SAE1: variants seen among roughly 807,000 people sequenced by gnomAD.
SAE1 encodes SUMO1 activating enzyme subunit 1, also known as SUMO-activating enzyme subunit 1.
Under a neutral mutation model 40.6 loss-of-function variants are expected in SAE1, and 11 were observed. The observed-to-expected ratio is 0.27, with a 90% CI of 0.17 to 0.45. SAE1 has a LOEUF of 0.45. SAE1 is among the 20% of genes least tolerant of loss of function. The pLI is 1.00. For synonymous variants in SAE1, 155 were observed against 154.3 expected (o/e 1.00, Z -0.03); for missense variants, 373 against 427.3 (o/e 0.87, Z 1.12).
At chr19:47,166,895 G>T (rs1325510302) in intron 5 of SAE1, among the ~76,000 whole-genome samples, 2 of 152,036 alleles carry the variant, frequency 1.3e-5, no homozygotes, top group African/African-American at 2.4e-5. Context: ...TTTAACAATG[G>T]ATTTAACTCC....
intron 1 of SAE1, among the ~76,000 whole-genome samples, chr19:47,136,255 A>G (rs1387175303): frequency 2.8e-5 from 4 of 144,920 alleles, no homozygotes; most frequent in Non-Finnish European, 6.1e-5. Context: ...TCTCCTGCCT[A>G]AGCCTCCCAA....
At chr19:47,193,227 T>A (rs2058590892) in intron 6 of SAE1, among the ~76,000 whole-genome samples, 1 of 151,270 alleles carries the variant, frequency 6.6e-6, no homozygotes, top group South Asian at 2.1e-4. Context: ...ACGGCTAATT[T>A]TTTTGGTATT....
chr19:47,146,229 C>T (rs2058254883), intron 2 of SAE1, among the ~76,000 whole-genome samples: 1 of 152,008 alleles, frequency 6.6e-6, no homozygotes, highest in Non-Finnish European at 1.5e-5. Flanking sequence ...CTAGGAAGCC[C>T]CACTGTAAGC....
At chr19:47,143,709 G>A (rs1331693470) in intron 2 of SAE1, 104 bp downstream of exon 2, 4 of 816,700 alleles carry the variant, frequency 4.9e-6, no homozygotes, top group Admixed American at 2.0e-5. Flanking sequence ...GGCTGTGAAA[G>A]GAGGGCTAAC....
At chr19:47,195,934 A>G (rs1009027287) in intron 6 of SAE1, among the ~76,000 whole-genome samples, 6 of 146,726 alleles carry the variant, frequency 4.1e-5, no homozygotes, top group Non-Finnish European at 7.5e-5. Context: ...AGGTCTCACT[A>G]TGTTGCCCAG....
At chr19:47,182,496 T>TGCGCGCGCGC (rs1555794398) in intron 6 of SAE1, among the ~76,000 whole-genome samples, 2 of 145,938 alleles carry the variant, frequency 1.4e-5, no homozygotes, top group South Asian at 2.2e-4. Context: ...TGTGTGTGTG[T>TGCGCGCGCGC]GCGCGCACGC....
chr19:47,180,178 G>T (rs1024362963), intron 6 of SAE1: 2 of 456,088 alleles, frequency 4.4e-6, no homozygotes, highest in Non-Finnish European at 8.8e-6. Flanking sequence ...GAGGGTTTAT[G>T]CCCAGAGACA....
intron 5 of SAE1, among the ~76,000 whole-genome samples, chr19:47,157,751 A>G (rs2058332780): frequency 1.3e-5 from 2 of 152,188 alleles, no homozygotes; most frequent in African/African-American, 4.8e-5. Flanking sequence ...CCCAGCTGAC[A>G]TTGTTAGTCA....
rs375765649 is a variant in SAE1 at position 47,153,780 on chromosome 19, A to ATAT, written c.527+757_527+759dup. Among the ~76,000 whole-genome samples the ATAT allele has an allele frequency of 1.0e-3, 159 of 151,936 alleles. 1 individual carries two copies. The highest frequency in any genetic ancestry group is 7.6e-3 in the Admixed American group (115 of 15,206). ...TTTAGGATAATCTAGTTCTTTGGGC[A>ATAT]TATTATTATTATTATTATTTTATTT... On this transcript the variant is annotated intron_variant, in intron 4 of 8. Transcript: ENST00000270225.
chr19:47,136,403 G>GTTGCAATT (rs1385201184), intron 1 of SAE1, among the ~76,000 whole-genome samples: 1 of 151,576 alleles, frequency 6.6e-6, no homozygotes, highest in Admixed American at 6.6e-5. Context: ...CCCCCAAAGT[G>GTTGCAATT]TTGCAATTAC....
intron 1 of SAE1, among the ~76,000 whole-genome samples, chr19:47,134,939 GGTT>G (rs2058169043): frequency 1.3e-5 from 2 of 151,934 alleles, no homozygotes; most frequent in Non-Finnish European, 2.9e-5. Flanking sequence ...GGAGGGAAGA[GGTT>G]GTTTGTAATT....
intron 5 of SAE1, among the ~76,000 whole-genome samples, chr19:47,166,453 T>C (rs914790065): frequency 6.6e-6 from 1 of 152,310 alleles, no homozygotes; most frequent in East Asian, 1.9e-4. Context: ...TAACTAAATA[T>C]GTAGACATCA....
chr19:47,200,087 C>A (rs928928764), intron 7 of SAE1, among the ~76,000 whole-genome samples: 1 of 152,018 alleles, frequency 6.6e-6, no homozygotes, highest in Non-Finnish European at 1.5e-5. Flanking sequence ...CCCGCCACCA[C>A]GCCCAGCTAA....
At chr19:47,196,333 C>CTT (rs61498882) in intron 6 of SAE1, among the ~76,000 whole-genome samples, 56 of 27,872 alleles carry the variant, frequency 2.0e-3, no homozygotes, top group African/African-American at 3.3e-3. Flanking sequence ...CCGCGCCTGG[C>CTT]TTTTTTTTTT....
intron 2 of SAE1, among the ~76,000 whole-genome samples, chr19:47,146,595 G>A (rs1192101359): frequency 6.6e-6 from 1 of 152,130 alleles, no homozygotes; most frequent in Non-Finnish European, 1.5e-5. Context: ...TTATCTCATT[G>A]AGTCCTCACA....
chr19:47,159,585 T>A lies in SAE1; in HGVS notation c.627+4372T>A, dbSNP rs2058345876. On this transcript the variant is annotated intron_variant, in intron 5 of 8. Transcript: ENST00000270225. ...TTTTTTCTTTGAAGCAGGGTCTGAC[T>A]ACTCTGTCACCTAGGCTGAAGTGCA... is the stretch of plus-strand genomic sequence containing the variant. Among the ~76,000 whole-genome samples the A allele has an allele frequency of 2.0e-5, 3 of 151,904 alleles. No homozygotes were observed. The South Asian group carries it at 6.2e-4, about 32-fold the overall frequency.
chr19:47,189,939 ATTAAAT>A (rs1490713582), intron 6 of SAE1, among the ~76,000 whole-genome samples: 1 of 152,220 alleles, frequency 6.6e-6, no homozygotes, highest in Non-Finnish European at 1.5e-5. Context: ...ATGAACTGAG[ATTAAAT>A]TTGAATTTGA....
intron 6 of SAE1, among the ~76,000 whole-genome samples, chr19:47,188,707 G>C (rs1402383475): frequency 6.6e-6 from 1 of 152,176 alleles, no homozygotes; most frequent in Non-Finnish European, 1.5e-5. Context: ...GGAGGCTCAG[G>C]GTCCTTGTCA....
chr19:47,203,946 G>A (rs192892655), intron 8 of SAE1, among the ~76,000 whole-genome samples: 1 of 152,172 alleles, frequency 6.6e-6, no homozygotes, highest in Admixed American at 6.6e-5. Context: ...CCTGCTCTGT[G>A]CTTAGCTCAC....
Sources: gnomAD v4.1 joint callset for allele counts (sites outside exome capture counted in the v4.1 genomes callset) on GRCh38, gnomAD v4.1.1 for gene constraint, MANE v1.5 for transcripts, NCBI Gene and HGNC (gene_info 2026-07-23, HGNC 2026-07-21) for gene names.